Variants in GBF1 observed in about 807,000 individuals in gnomAD.
GBF1 encodes golgi brefeldin A resistant guanine nucleotide exchange factor 1.
GBF1 carries 114 observed loss-of-function variants against 210.5 expected under a neutral mutation model. The observed-to-expected ratio is 0.54, with a 90% confidence interval of 0.47 to 0.63. The LOEUF (loss-of-function observed/expected upper bound fraction) is 0.63. GBF1 is among the 30% of genes least tolerant of loss of function. The pLI, the probability that GBF1 is intolerant of heterozygous loss-of-function variation, is 0.00. For missense variants in GBF1, 1,851 were observed against 2,357.7 expected (o/e 0.79, Z 4.45); for synonymous variants, 850 against 889.2 (o/e 0.96, Z 0.78).
chr10:102,346,715 C>G (rs2058600309), intron 4 of GBF1, among the ~76,000 whole-genome samples: 1 of 152,240 alleles, frequency 6.6e-6, no homozygotes, highest in African/African-American at 2.4e-5. Flanking sequence ...TCCATGTTGC[C>G]CAGGCTGGTC....
At position 102,337,175 on chromosome 10, in the gene GBF1, G is replaced by A. The variant is rs986964928; in HGVS notation, c.164-6876G>A. Among the ~76,000 whole-genome samples the A allele has an allele frequency of 2.6e-5, 4 of 151,922 alleles. No homozygotes were observed. The East Asian group carries it at 7.8e-4, about 29-fold the overall frequency. ...GGGCGGATCACGAGGTCAGGAGGTC[G>A]AGACCATCCTGGCTAACGCGGCGAA... On this transcript the variant is annotated intron_variant, in intron 3 of 39. Coordinates refer to ENST00000369983, the MANE Select transcript of GBF1 (RefSeq NM_001377137.1).
chr10:102,342,491 G>C (rs1458245166), intron 3 of GBF1, among the ~76,000 whole-genome samples: 1 of 152,026 alleles, frequency 6.6e-6, no homozygotes, highest in African/African-American at 2.4e-5. Context: ...TAGGGGAAGA[G>C]AAGCAGGTTT....
chr10:102,293,248 ATGT>A (rs923242363), intron 3 of GBF1, among the ~76,000 whole-genome samples: 3 of 152,150 alleles, frequency 2.0e-5, no homozygotes, highest in Non-Finnish European at 4.4e-5. Flanking sequence ...TCACTTAGTG[ATGT>A]TGTAGCCATC....
intron 4 of GBF1, among the ~76,000 whole-genome samples, chr10:102,344,670 C>T (rs915665215): frequency 3.3e-5 from 5 of 151,904 alleles, no homozygotes; most frequent in Non-Finnish European, 2.9e-5. Flanking sequence ...TTAGTAAAGA[C>T]GGGGTTTCAC....
chr10:102,270,882 T>TG, intron 3 of GBF1, among the ~76,000 whole-genome samples: 1 of 152,134 alleles, frequency 6.6e-6, no homozygotes, highest in Non-Finnish European at 1.5e-5. Flanking sequence ...ATTTTAGAGA[T>TG]GGGGGTCTCA....
At chr10:102,266,552 T>A (rs577646746) in intron 3 of GBF1, among the ~76,000 whole-genome samples, 2 of 152,218 alleles carry the variant, frequency 1.3e-5, no homozygotes, top group Non-Finnish European at 2.9e-5. Flanking sequence ...TAGCCTCTAC[T>A]TTATGCTATA....
chr10:102,230,684 CGGCGGCGGCGGCGGCCGA>C, the GBF1 span: 4 of 1,547,448 alleles, frequency 2.6e-6, no homozygotes, highest in Non-Finnish European at 3.5e-6. Flanking sequence ...GCGGCAGCCG[CGGCGGCGGCGGCGGCCGA>C]GGCATAAGGG....
chr10:102,301,935 G>C (rs1477450417), intron 3 of GBF1, among the ~76,000 whole-genome samples: 3 of 152,236 alleles, frequency 2.0e-5, no homozygotes, highest in African/African-American at 7.2e-5. Flanking sequence ...GGAGGTTGTA[G>C]CGAGCCGAGA....
chr10:102,331,485 TA>T lies in GBF1; in HGVS notation c.164-12558del, dbSNP rs926626542. On this transcript the variant is annotated intron_variant, in intron 3 of 39. Coordinates refer to ENST00000369983, the MANE Select transcript of GBF1 (RefSeq NM_001377137.1). The stretch of plus-strand genomic sequence containing the variant: ...GTTAAGGTTTGGGGTTTTGATTCAT[TA>T]AAAAAAACAGATTGGGGCTGGGCAC... 3.3e-5 allele frequency among the ~76,000 whole-genome samples: 5 copies of T among 151,526 alleles called. No homozygotes were observed. The South Asian group carries it at 6.3e-4, about 19-fold the overall frequency.
intron 3 of GBF1, among the ~76,000 whole-genome samples, chr10:102,282,190 C>G (rs562704185): frequency 2.0e-4 from 31 of 152,024 alleles, no homozygotes; most frequent in African/African-American, 7.2e-4. Context: ...CCGCCTCGGC[C>G]TCTCAAAGTG....
intron 1 of GBF1, among the ~76,000 whole-genome samples, chr10:102,257,404 G>A (rs901415738): frequency 1.3e-5 from 2 of 152,142 alleles, no homozygotes; most frequent in African/African-American, 2.4e-5. Flanking sequence ...GAACTCCTGA[G>A]CTCAAGTGAT....
chr10:102,251,366 G>T (rs1024532071), intron 1 of GBF1, among the ~76,000 whole-genome samples: 4 of 152,006 alleles, frequency 2.6e-5, no homozygotes, highest in African/African-American at 9.7e-5. Flanking sequence ...CTCTTGAAGA[G>T]TCAGTCTTGA....
chr10:102,363,393 G>T lies in GBF1; in HGVS notation c.2014G>T (p.Gly672Trp). 6.2e-7 allele frequency: 1 copy of T among 1,613,092 alleles called. No homozygotes were observed. Among genetic ancestry groups the T allele is most frequent in the Non-Finnish European group, 8.5e-7 (1 of 1,179,360 alleles). The change falls in exon 16 of 40, where the codon GGG becomes TGG. Residue 672 changes from glycine to tryptophan, a missense_variant. Coordinates refer to ENST00000369983, the MANE Select transcript of GBF1 (RefSeq NM_001377137.1). The surrounding 1 kb of genome is among the most constrained non-coding windows in gnomAD (Gnocchi z 4.2). ...TGATCTGGAGGAAGCTGTTGACTCT[G>T]GGGGTGGGTACTGGGTGTCCATGAC... ...CSDLEEAVDS[G>W]ADKKFARKPP...
rs74875528 is a variant in GBF1 at position 102,310,684 on chromosome 10, C to T, written c.164-33367C>T. On this transcript the variant is annotated intron_variant, in intron 3 of 39. Transcript: ENST00000369983. ...TTATCACCCCCAAGCCACATTTGAG[C>T]AGGGATTGAGGAAGGGGTTGATTTT... 3.4e-3 allele frequency among the ~76,000 whole-genome samples: 517 copies of T among 152,226 alleles called. 1 individual carries two copies. The highest frequency in any genetic ancestry group is 0.012 in the African/African-American group (487 of 41,518).
At chr10:102,290,434 T>G (rs1002895609) in intron 3 of GBF1, among the ~76,000 whole-genome samples, 3 of 152,114 alleles carry the variant, frequency 2.0e-5, no homozygotes, top group African/African-American at 7.2e-5. Context: ...TTTGATTCAT[T>G]ATATGTAGTA....
chr10:102,291,270 T>A (rs1009075394), intron 3 of GBF1, among the ~76,000 whole-genome samples: 2 of 152,196 alleles, frequency 1.3e-5, no homozygotes, highest in Admixed American at 6.5e-5. Flanking sequence ...GGTATTTTTT[T>A]ATCCTTACAG....
intron 3 of GBF1, among the ~76,000 whole-genome samples, chr10:102,279,590 A>AT (rs2075302049): frequency 6.6e-6 from 1 of 151,996 alleles, no homozygotes; most frequent in African/African-American, 2.4e-5. Flanking sequence ...CTTTTCTATC[A>AT]TTTTTTTCTT....
rs1410394485 is a variant in GBF1 at position 102,345,418 on chromosome 10, C to T, written c.295+1236C>T. ...CTGTAATCCCAGCACTTTTTGAGGCCGAGGCGGACGGATCATGAGGTCAGG... is the reference window on the plus strand; with the variant it reads ...CTGTAATCCCAGCACTTTTTGAGGCTGAGGCGGACGGATCATGAGGTCAGG... On this transcript the variant is annotated intron_variant, in intron 4 of 39. Coordinates refer to ENST00000369983, the MANE Select transcript of GBF1 (RefSeq NM_001377137.1). Among the ~76,000 whole-genome samples the T allele has an allele frequency of 8.6e-5, 13 of 150,816 alleles. No individual in the cohort carries two copies. The South Asian group carries it at 1.9e-3, about 22-fold the overall frequency.
At chr10:102,256,387 C>G (rs373313907) in intron 1 of GBF1, among the ~76,000 whole-genome samples, 8 of 152,094 alleles carry the variant, frequency 5.3e-5, no homozygotes, top group African/African-American at 1.9e-4. Context: ...TTATCTCTGG[C>G]TGTGTCTGTT....
Sources: gnomAD v4.1 joint callset for allele counts (sites outside exome capture counted in the v4.1 genomes callset) on GRCh38, gnomAD v4.1.1 for gene constraint, Gnocchi (gnomAD v3.1) non-coding constraint, MANE v1.5 for transcripts, NCBI Gene and HGNC (gene_info 2026-07-23, HGNC 2026-07-21) for gene names.